Variants in DPF3 observed in about 807,000 individuals in gnomAD.
The protein encoded by DPF3 is double PHD fingers 3.
In DPF3, 18 loss-of-function variants were observed where a neutral mutation model predicts 56.8. The ratio of observed to expected loss-of-function variants is 0.32; its 90% CI spans 0.22 to 0.47. DPF3 has a LOEUF of 0.47. Among genes scored for constraint, DPF3 ranks in the 20% least tolerant of loss-of-function variants. The pLI, the probability that DPF3 is intolerant of heterozygous loss-of-function variation, is 1.00. For synonymous variants in DPF3, 188 were observed against 180.2 expected, an observed-to-expected ratio of 1.04 and a Z score of -0.35; for missense variants, 403 against 488.8, an observed-to-expected ratio of 0.82 and a Z score of 1.65.
At chr14:72,681,071 T>C (rs142702388) in intron 7 of DPF3, among the ~76,000 whole-genome samples, 1 of 152,352 alleles carries the variant, frequency 6.6e-6, no homozygotes, top group Non-Finnish European at 1.5e-5. Flanking sequence ...AGGAACCATG[T>C]CCTTCACTGC....
At chr14:72,679,841 C>A (rs1258744804) in intron 7 of DPF3, among the ~76,000 whole-genome samples, 1 of 152,220 alleles carries the variant, frequency 6.6e-6, no homozygotes, top group Admixed American at 6.5e-5. Context: ...GCAGCCCAGG[C>A]CGGCCAGGCG....
At chr14:72,670,441 G>C in intron 8 of DPF3, 1 of 985,990 alleles carries the variant, frequency 1.0e-6, no homozygotes, top group South Asian at 4.7e-5. Flanking sequence ...CGACTTCTCT[G>C]GAACTACTGA....
intron 1 of DPF3, among the ~76,000 whole-genome samples, chr14:72,775,784 T>G: frequency 6.6e-6 from 1 of 152,084 alleles, no homozygotes; most frequent in South Asian, 2.1e-4. Flanking sequence ...ATTTAAAGCC[T>G]TTTTCAAGAT....
intron 7 of DPF3, among the ~76,000 whole-genome samples, chr14:72,686,843 T>C (rs1254066803): frequency 6.6e-6 from 1 of 152,236 alleles, no homozygotes; most frequent in East Asian, 1.9e-4. Flanking sequence ...GTGTAGGCTT[T>C]ATGGCTTTTC....
intron 1 of DPF3, among the ~76,000 whole-genome samples, chr14:72,831,667 G>A (rs148122307): frequency 6.6e-6 from 1 of 152,222 alleles, no homozygotes. Context: ...AGAACTCAAG[G>A]CTTCAGTTTT....
At chr14:72,747,311 C>T (rs1414796617) in intron 3 of DPF3, among the ~76,000 whole-genome samples, 1 of 152,160 alleles carries the variant, frequency 6.6e-6, no homozygotes, top group Non-Finnish European at 1.5e-5. Flanking sequence ...TGTCCCATCC[C>T]CTGGGTGGCA....
At chr14:72,754,502 T>C (rs1890708887) in intron 2 of DPF3, among the ~76,000 whole-genome samples, 1 of 152,182 alleles carries the variant, frequency 6.6e-6, no homozygotes, top group Non-Finnish European at 1.5e-5. Context: ...TATTGCAGCT[T>C]CCTTTAAAAT....
chr14:72,875,768 T>C (rs1886088630), intron 1 of DPF3, among the ~76,000 whole-genome samples: 2 of 151,738 alleles, frequency 1.3e-5, no homozygotes, highest in Non-Finnish European at 2.9e-5. Flanking sequence ...AGGGCATTTC[T>C]GGAAGGAAGT....
In DPF3 at chr14:72,893,002, AGGAAGGAAGGAAGGAAGGAAGGAT is replaced by A. The variant is rs1258045592; in HGVS notation, c.32+1031_32+1054del. Among the ~76,000 whole-genome samples, 244 of 125,440 alleles carry A rather than the reference AGGAAGGAAGGAAGGAAGGAAGGAT, an allele frequency of 1.9e-3. 8 individuals are homozygous for A. Among genetic ancestry groups the A allele is most frequent in the Middle Eastern group, 4.2e-3 (1 of 240 alleles). 82.3% of individuals were successfully genotyped at this position (125,440 alleles called of 152,430 possible). On this transcript the variant is annotated intron_variant, in intron 1 of 10. Transcript: ENST00000556509. ...AAGGAAGGAAGGAAGGAAGGAAGGA[AGGAAGGAAGGAAGGAAGGAAGGAT>A]GAAAAGGAGGAGGAAGGCAGGCAGG...
chr14:72,814,921 G>A (rs1883220377), intron 1 of DPF3, among the ~76,000 whole-genome samples: 1 of 151,996 alleles, frequency 6.6e-6, no homozygotes, highest in South Asian at 2.1e-4. Flanking sequence ...CTTGGGTTAA[G>A]CAAAAATTTT....
intron 6 of DPF3, among the ~76,000 whole-genome samples, chr14:72,701,275 C>A (rs1171746115): frequency 6.6e-6 from 1 of 152,224 alleles, no homozygotes; most frequent in Non-Finnish European, 1.5e-5. Context: ...GGCAAGCGTG[C>A]ACCTGGATTT....
chr14:72,817,304 A>T (rs1883331583), intron 1 of DPF3, among the ~76,000 whole-genome samples: 1 of 152,210 alleles, frequency 6.6e-6, no homozygotes, highest in Non-Finnish European at 1.5e-5. Flanking sequence ...GGGTAGGAAG[A>T]ATCAAACTAG....
chr14:72,778,447 CT>C (rs1891838729), intron 1 of DPF3, among the ~76,000 whole-genome samples: 1 of 152,208 alleles, frequency 6.6e-6, no homozygotes, highest in Admixed American at 6.5e-5. Context: ...CCAGATGAGA[CT>C]GTCTAGTTGC....
chr14:72,800,478 ATGGATGCT>A (rs1892834161), intron 1 of DPF3, among the ~76,000 whole-genome samples: 1 of 152,102 alleles, frequency 6.6e-6, no homozygotes, highest in South Asian at 2.1e-4. Context: ...ACATGGATGC[ATGGATGCT>A]TGGATGGATG....
At chr14:72,622,217 G>A (rs1045299501) in intron 9 of DPF3, among the ~76,000 whole-genome samples, 1 of 152,122 alleles carries the variant, frequency 6.6e-6, no homozygotes, top group Non-Finnish European at 1.5e-5. Flanking sequence ...AAAGATCAAG[G>A]ACCCAAAAGA....
rs1484446581 is a variant in DPF3, at chr14:72,613,803, CT to C, written c.*5493del. On this transcript the variant is annotated 3_prime_UTR_variant, in exon 11 of 11. Transcript: ENST00000556509. The stretch of plus-strand genomic sequence containing the variant: ...CTCTTCCTTTGGGCCTCTCTTCTAG[CT>C]GCCTGGGCTGCGCACATGGAGGGGG... 6.6e-6 allele frequency among the ~76,000 whole-genome samples: 1 copy of C among 152,196 alleles called. No homozygotes were observed. The highest frequency in any genetic ancestry group is 1.5e-5 in the Non-Finnish European group (1 of 68,030).
chr14:72,639,735 G>A (rs1885486981), intron 8 of DPF3, among the ~76,000 whole-genome samples: 1 of 152,126 alleles, frequency 6.6e-6, no homozygotes, highest in South Asian at 2.1e-4. Flanking sequence ...ACCCAAGGGA[G>A]GCCTTGGGCC....
Position 72,739,429 on chromosome 14 carries a change from T to C in DPF3, c.302-7495A>G, listed in dbSNP as rs574713257. On this transcript the variant is annotated intron_variant, in intron 3 of 10. Coordinates refer to ENST00000556509, the MANE Select transcript of DPF3 (RefSeq NM_001280542.3). ...ATGGGGCCAAAGGAGATAATACATA[T>C]GAAGTGTCTGGCACAGGTGAGATGC... Among the ~76,000 whole-genome samples, 15 of 152,290 alleles carry C rather than the reference T, an allele frequency of 9.8e-5. No homozygotes were observed. In the South Asian group the frequency reaches 1.9e-3, roughly 19 times the overall value.
chr14:72,746,938 G>A (rs1890351796), intron 3 of DPF3, among the ~76,000 whole-genome samples: 2 of 152,230 alleles, frequency 1.3e-5, no homozygotes, highest in Admixed American at 1.3e-4. Flanking sequence ...CATGGCCAAA[G>A]CAGGCTGTGA....
Sources: gnomAD v4.1 joint callset for allele counts (sites outside exome capture counted in the v4.1 genomes callset) on GRCh38, gnomAD v4.1.1 for gene constraint, MANE v1.5 for transcripts, NCBI Gene and HGNC (gene_info 2026-07-23, HGNC 2026-07-21) for gene names.